Variants in ISM1 observed in about 807,000 individuals in gnomAD.
The protein encoded by ISM1 is isthmin-1.
Under a neutral mutation model 46.3 loss-of-function variants are expected in ISM1, and 25 were observed. The observed-to-expected ratio is 0.54, with a 90% CI of 0.39 to 0.75. ISM1 has a LOEUF of 0.75. Among genes scored for constraint, ISM1 ranks in the 30% least tolerant of loss-of-function variants. ISM1 has a pLI of 0.00. For synonymous variants in ISM1, 255 were observed against 256.7 expected, an observed-to-expected ratio of 0.99 and a Z score of 0.06; for missense variants, 536 against 625.4, an observed-to-expected ratio of 0.86 and a Z score of 1.52.
intron 3 of ISM1, among the ~76,000 whole-genome samples, chr20:13,280,503 A>C (rs756759127): frequency 2.0e-5 from 3 of 152,110 alleles, no homozygotes; most frequent in South Asian, 2.1e-4. Flanking sequence ...TTAAAATAAT[A>C]AAAGTTCATT....
chr20:13,294,858 A>G (rs73263048), intron 5 of ISM1, among the ~76,000 whole-genome samples: 1,556 of 152,304 alleles, frequency 0.01, 26 homozygotes, highest in African/African-American at 0.035. Flanking sequence ...ACAGATGAGA[A>G]AACTGAAGCA....
chr20:13,246,597 G>C (rs2039797189), intron 1 of ISM1, among the ~76,000 whole-genome samples: 2 of 151,652 alleles, frequency 1.3e-5, no homozygotes, highest in Non-Finnish European at 2.9e-5. Context: ...AGGCAGAGCA[G>C]ATACGTGTTT....
chr20:13,306,564 C>CAAAAAAAAAAAAAAAAAAAAAAAAGAAAA, the ISM1 span, among the ~76,000 whole-genome samples: 1 of 63,908 alleles, frequency 1.6e-5, no homozygotes, highest in Non-Finnish European at 2.6e-5. Context: ...GGAGAAAGGA[C>CAAAAAAAAAAAAAAAAAAAAAAAAGAAAA]AAAAAAAAAA....
intron 1 of ISM1, among the ~76,000 whole-genome samples, chr20:13,252,669 C>G (rs1023914579): frequency 1.3e-5 from 2 of 152,022 alleles, no homozygotes; most frequent in Non-Finnish European, 2.9e-5. Flanking sequence ...GCAGGAGAAT[C>G]GCTTGAACAC....
chr20:13,229,672 G>A (rs1260390680), intron 1 of ISM1, among the ~76,000 whole-genome samples: 2 of 152,172 alleles, frequency 1.3e-5, no homozygotes, highest in East Asian at 1.9e-4. Flanking sequence ...TTTCTTGTGA[G>A]TAAATTTCTA....
At chr20:13,281,965 A>C (rs2040242981) in intron 3 of ISM1, among the ~76,000 whole-genome samples, 1 of 152,172 alleles carries the variant, frequency 6.6e-6, no homozygotes, top group African/African-American at 2.4e-5. Context: ...AACCAGCACC[A>C]CTAGCATCAC....
chr20:13,268,412 G>C (rs1185178892), intron 1 of ISM1, among the ~76,000 whole-genome samples: 1 of 114,328 alleles, frequency 8.7e-6, no homozygotes, highest in Non-Finnish European at 1.7e-5. Context: ...CTCCATGCTA[G>C]GTTCAAACAA....
intron 1 of ISM1, among the ~76,000 whole-genome samples, chr20:13,244,687 T>C (rs888282376): frequency 5.3e-5 from 8 of 152,346 alleles, no homozygotes; most frequent in African/African-American, 1.9e-4. Flanking sequence ...TCAAAATCCC[T>C]GGCCAGGTTT....
At chr20:13,287,237 G>A (rs2040303790) in intron 3 of ISM1, among the ~76,000 whole-genome samples, 1 of 152,184 alleles carries the variant, frequency 6.6e-6, no homozygotes, top group Non-Finnish European at 1.5e-5. Context: ...CAATCATGGT[G>A]GAAGGCAAAG....
intron 1 of ISM1, among the ~76,000 whole-genome samples, chr20:13,234,627 A>T (rs570104475): frequency 2.6e-5 from 4 of 152,238 alleles, no homozygotes; most frequent in Admixed American, 2.6e-4. Flanking sequence ...TTGCTTTTAG[A>T]TTTTTTAACA....
At chr20:13,323,989 C>T in the ISM1 span, among the ~76,000 whole-genome samples, 1 of 152,182 alleles carries the variant, frequency 6.6e-6, no homozygotes, top group African/African-American at 2.4e-5. Context: ...GTGTGTGCTT[C>T]TCTAAGAAAT....
At chr20:13,249,768 A>T (rs1223139684) in intron 1 of ISM1, among the ~76,000 whole-genome samples, 1 of 149,880 alleles carries the variant, frequency 6.7e-6, no homozygotes, top group Non-Finnish European at 1.5e-5. Context: ...AGCCTCCATC[A>T]TTTTTTGTTG....
At chr20:13,282,847 G>C (rs1568685413) in intron 3 of ISM1, among the ~76,000 whole-genome samples, 3 of 152,188 alleles carry the variant, frequency 2.0e-5, no homozygotes, top group African/African-American at 7.2e-5. Flanking sequence ...GCGAAGCTGA[G>C]ACTGCTAGCC....
intron 3 of ISM1, among the ~76,000 whole-genome samples, chr20:13,286,644 A>G (rs75087351): frequency 0.019 from 2,947 of 152,276 alleles, 101 homozygotes; most frequent in African/African-American, 0.067. Flanking sequence ...GGACACAACC[A>G]TGAAATCCAC....
intron 1 of ISM1, among the ~76,000 whole-genome samples, chr20:13,223,053 C>T (rs1297618976): frequency 1.3e-5 from 2 of 152,040 alleles, no homozygotes; most frequent in Non-Finnish European, 2.9e-5. Flanking sequence ...GTCCCAGTTA[C>T]TCGGGAGGCT....
chr20:13,228,259 C>A (rs2039551085), intron 1 of ISM1, among the ~76,000 whole-genome samples: 1 of 151,924 alleles, frequency 6.6e-6, no homozygotes. Context: ...AGGTGTGAGC[C>A]ACTGTGCCTG....
intron 1 of ISM1, among the ~76,000 whole-genome samples, chr20:13,243,007 T>G (rs1232530416): frequency 6.6e-6 from 1 of 152,224 alleles, no homozygotes; most frequent in African/African-American, 2.4e-5. Context: ...ACAATAAGGT[T>G]AAGTACCTTG....
downstream of ISM1, chr20:13,300,686 T>C (rs2040450568): frequency 6.6e-6 from 1 of 152,178 alleles, no homozygotes; most frequent in Admixed American, 6.5e-5. Flanking sequence ...ACAAATGCCA[T>C]AAATAGCCCG....
chr20:13,313,461 T>C, the ISM1 span, among the ~76,000 whole-genome samples: 10 of 152,342 alleles, frequency 6.6e-5, no homozygotes, highest in East Asian at 5.8e-4. Context: ...CCGTAGTCAA[T>C]TGGGCTGTTT....
Sources: allele counts gnomAD v4.1 joint callset (sites outside exome capture counted in the v4.1 genomes callset), GRCh38; gene constraint gnomAD v4.1.1; transcripts MANE v1.5; gene names NCBI Gene and HGNC (gene_info 2026-07-23, HGNC 2026-07-21).